The following MDGA2 variants were observed in gnomAD, a reference collection of about 807,000 sequenced individuals.
The protein encoded by MDGA2 is MAM domain containing glycosylphosphatidylinositol anchor 2.
MDGA2 carries 40 observed loss-of-function variants against 117.8 expected under a neutral mutation model. The observed-to-expected ratio is 0.34, with a 90% CI of 0.26 to 0.44. MDGA2 has a LOEUF of 0.44. MDGA2 is among the 20% of genes least tolerant of loss of function. The pLI, the probability that MDGA2 is intolerant of heterozygous loss-of-function variation, is 1.00. For missense variants in MDGA2, 1,123 were observed against 1,250.6 expected, an observed-to-expected ratio of 0.90 and a Z score of 1.54; for synonymous variants, 452 against 439.0, an observed-to-expected ratio of 1.03 and a Z score of -0.37.
intron 8 of MDGA2, among the ~76,000 whole-genome samples, chr14:46,968,533 T>A (rs1886127059): frequency 6.6e-6 from 1 of 152,024 alleles, no homozygotes; most frequent in Admixed American, 6.6e-5. Context: ...AGACTTCATT[T>A]AAAAAATTCC....
chr14:47,183,728 C>A (rs750341487), intron 3 of MDGA2, among the ~76,000 whole-genome samples: 2 of 151,862 alleles, frequency 1.3e-5, no homozygotes, highest in Non-Finnish European at 1.5e-5. Flanking sequence ...AACATAAATT[C>A]GAGATTGTTA....
chr14:47,341,815 G>A (rs961068523), intron 1 of MDGA2, among the ~76,000 whole-genome samples: 39 of 152,184 alleles, frequency 2.6e-4, no homozygotes, highest in African/African-American at 9.2e-4. Flanking sequence ...GAGAGGGTGT[G>A]CCTAGAACCT....
At position 47,442,932 on chromosome 14, in the gene MDGA2, C is replaced by T. The variant is rs1383413189; in HGVS notation, c.281-141382G>A. ...CGGCGTACCCATGTTGTCTATGCTA[C>T]CCACCCTTTAGTCACTTAACCATCT... On this transcript the variant is annotated intron_variant, in intron 1 of 16. Coordinates refer to ENST00000399232, the MANE Select transcript of MDGA2 (RefSeq NM_001113498.3). Among the ~76,000 whole-genome samples the T allele has an allele frequency of 2.0e-5, 3 of 152,018 alleles. No individual in the cohort carries two copies. In the East Asian group the frequency reaches 5.8e-4, roughly 30 times the overall value.
intron 8 of MDGA2, among the ~76,000 whole-genome samples, chr14:47,015,866 G>A (rs1298849558): frequency 2.0e-5 from 3 of 151,960 alleles, no homozygotes; most frequent in Non-Finnish European, 4.4e-5. Context: ...AGAAATCTAA[G>A]GAGCCCAGAT....
intron 2 of MDGA2, among the ~76,000 whole-genome samples, chr14:47,287,412 A>C (rs928791098): frequency 1.3e-5 from 2 of 152,168 alleles, no homozygotes; most frequent in African/African-American, 4.8e-5. Context: ...TTAATATTTT[A>C]TCAACAAATA....
At chr14:47,221,938 C>T (rs1184184493) in intron 2 of MDGA2, among the ~76,000 whole-genome samples, 1 of 151,752 alleles carries the variant, frequency 6.6e-6, no homozygotes. Context: ...TTCATCTCCT[C>T]GAATTTTTTT....
chr14:47,329,937 A>G (rs1234826287), intron 1 of MDGA2, among the ~76,000 whole-genome samples: 1 of 152,006 alleles, frequency 6.6e-6, no homozygotes, highest in Non-Finnish European at 1.5e-5. Flanking sequence ...AAAATCCTCT[A>G]TATTTAGAAA....
At chr14:47,595,615 A>T (rs1206708996) in intron 1 of MDGA2, among the ~76,000 whole-genome samples, 1 of 151,970 alleles carries the variant, frequency 6.6e-6, no homozygotes, top group Non-Finnish European at 1.5e-5. Context: ...TTTTAGCTGA[A>T]TCGAAGTGAA....
At chr14:47,197,195 T>C (rs1885318199) in intron 3 of MDGA2, among the ~76,000 whole-genome samples, 1 of 152,180 alleles carries the variant, frequency 6.6e-6, no homozygotes, top group Non-Finnish European at 1.5e-5. Context: ...TGCTATTGAC[T>C]GAATGTTTAT....
intron 1 of MDGA2, among the ~76,000 whole-genome samples, chr14:47,447,257 G>T (rs1893143307): frequency 6.6e-6 from 1 of 152,132 alleles, no homozygotes; most frequent in Non-Finnish European, 1.5e-5. Context: ...AGCCTGGGAA[G>T]TTTCTTGCTG....
intron 10 of MDGA2, among the ~76,000 whole-genome samples, chr14:46,911,687 A>G (rs1883710961): frequency 6.6e-6 from 1 of 152,220 alleles, no homozygotes; most frequent in Admixed American, 6.5e-5. Context: ...TTTTACCTCA[A>G]GTTAATTTAT....
chr14:47,258,518 T>C (rs1187801013), intron 2 of MDGA2, among the ~76,000 whole-genome samples: 2 of 151,988 alleles, frequency 1.3e-5, no homozygotes, highest in Admixed American at 6.6e-5. Flanking sequence ...AAGCCCCTCT[T>C]CCAACACTGG....
chr14:47,301,937 A>C (rs1489817971), intron 1 of MDGA2, among the ~76,000 whole-genome samples: 2 of 152,170 alleles, frequency 1.3e-5, no homozygotes, highest in African/African-American at 4.8e-5. Context: ...TGGAGGAGAA[A>C]AGGGAATTTG....
intron 1 of MDGA2, among the ~76,000 whole-genome samples, chr14:47,468,131 G>C (rs1212577395): frequency 6.6e-6 from 1 of 152,078 alleles, no homozygotes; most frequent in Non-Finnish European, 1.5e-5. Flanking sequence ...GTACAGTGTT[G>C]CAATCCTCTA....
rs752052545 is a variant in MDGA2, at chr14:46,841,720, A to C, written c.*211T>G. 8.4e-6 allele frequency: 3 copies of C among 357,126 alleles called. No individual in the cohort carries two copies. The highest frequency in any genetic ancestry group is 2.2e-5 in the African/African-American group (1 of 46,356). 22.1% of individuals were successfully genotyped at this position (357,126 alleles called of 1,614,324 possible). On this transcript the variant is annotated 3_prime_UTR_variant, in exon 17 of 17. Transcript: ENST00000399232. The stretch of plus-strand genomic sequence containing the variant: ...AGGTCTCTTCTCTACTCAGGTCAAG[A>C]TTATCTTTTATGTTTAGTCTGGAAT...
At chr14:47,175,487 G>A (rs1265848034) in intron 3 of MDGA2, among the ~76,000 whole-genome samples, 1 of 149,562 alleles carries the variant, frequency 6.7e-6, no homozygotes, top group Non-Finnish European at 1.5e-5. Flanking sequence ...ATGCAAGGCT[G>A]GTTCAATATA....
chr14:47,256,227 G>T (rs1191550290), intron 2 of MDGA2, among the ~76,000 whole-genome samples: 3 of 151,686 alleles, frequency 2.0e-5, no homozygotes, highest in Non-Finnish European at 4.4e-5. Context: ...CATGGAGTAT[G>T]TGTGGGAGAC....
At chr14:47,052,350 A>G (rs763827261) in intron 7 of MDGA2, among the ~76,000 whole-genome samples, 2 of 151,896 alleles carry the variant, frequency 1.3e-5, no homozygotes, top group Non-Finnish European at 2.9e-5. Flanking sequence ...AGAAAGTCCC[A>G]AACACATGGG....
intron 1 of MDGA2, among the ~76,000 whole-genome samples, chr14:47,398,208 T>C (rs17118534): frequency 0.35 from 53,179 of 151,950 alleles, 9,725 homozygotes; most frequent in East Asian, 0.57. Flanking sequence ...TTCCATGATA[T>C]AGAACTATAG....
Sources: allele counts gnomAD v4.1 joint callset (sites outside exome capture counted in the v4.1 genomes callset), GRCh38; gene constraint gnomAD v4.1.1; transcripts MANE v1.5; gene names NCBI Gene and HGNC (gene_info 2026-07-23, HGNC 2026-07-21).